The following MAP3K3 variants were observed in gnomAD, a reference collection of about 807,000 sequenced individuals.
MAP3K3 encodes the protein MAP/ERK kinase kinase 3.
Under a neutral mutation model 80.9 loss-of-function variants are expected in MAP3K3, and 12 were observed. That is an observed-to-expected ratio of 0.15 (90% CI 0.10 to 0.24). The LOEUF (loss-of-function observed/expected upper bound fraction) is 0.24, where lower values mean the gene tolerates loss of function less well. Ranked by LOEUF, MAP3K3 falls within the 10% of genes least tolerant of loss-of-function variation. The pLI is 1.00. For synonymous variants in MAP3K3, 272 were observed against 307.1 expected (o/e 0.89, Z 1.19); for missense variants, 596 against 834.7 (o/e 0.71, Z 3.52).
At chr17:63,684,884 A>G (rs1401373443) in intron 7 of MAP3K3, among the ~76,000 whole-genome samples, 1 of 152,108 alleles carries the variant, frequency 6.6e-6, no homozygotes, top group Non-Finnish European at 1.5e-5. Flanking sequence ...GAAAGGGAGG[A>G]CCTTCAGGAC....
At chr17:63,633,941 C>A (rs949253159) in intron 2 of MAP3K3, among the ~76,000 whole-genome samples, 1 of 152,304 alleles carries the variant, frequency 6.6e-6, no homozygotes, top group Admixed American at 6.5e-5. Flanking sequence ...CTTTTCCTGT[C>A]TGTGGTCTGC....
chr17:63,633,005 A>C (rs1237710595), intron 2 of MAP3K3, among the ~76,000 whole-genome samples: 3 of 152,320 alleles, frequency 2.0e-5, no homozygotes, highest in Middle Eastern at 6.8e-3. Flanking sequence ...AGGCAGGCGG[A>C]TCACCTGAAG....
chr17:63,655,843 A>G (rs2034755219), intron 4 of MAP3K3, among the ~76,000 whole-genome samples: 1 of 152,106 alleles, frequency 6.6e-6, no homozygotes, highest in Non-Finnish European at 1.5e-5. Context: ...TCCCACTTTG[A>G]ATGTCACACA....
rs750289116 is a variant in MAP3K3, at chr17:63,689,663, C to A, written c.991C>A (p.Pro331Thr). Reference sequence around the variant, plus strand: ...GGGTCTGGCTGTGCAATACCTGGACCCCCGTGGGCGCCTGCGGAGTGCGGA... The same window carrying A: ...GGGTCTGGCTGTGCAATACCTGGACACCCGTGGGCGCCTGCGGAGTGCGGA... ...NMGLAVQYLD[P>T]RGRLRSADSE... The change falls in exon 11 of 16, where the codon CCC becomes ACC. Residue 331 changes from proline (P) to threonine (T), a missense_variant. By Grantham distance (38) the Pro-to-Thr change is conservative. Around this residue, in one of 2 missense-constraint regions of MAP3K3, gnomAD observed 364 missense variants for 588.9 expected, o/e 0.62. Coordinates refer to ENST00000361733, the MANE Select transcript of MAP3K3 (RefSeq NM_002401.5). The surrounding 1 kb of genome is among the most constrained non-coding windows in gnomAD (Gnocchi z 4.3). The A allele has an allele frequency of 1.2e-5, 20 of 1,613,832 alleles. No homozygotes were observed. The highest frequency in any genetic ancestry group is 1.7e-5 in the Non-Finnish European group (20 of 1,179,964).
rs2035244523 is a variant in MAP3K3, at chr17:63,677,597, A to G, written c.503-4169A>G. Among the ~76,000 whole-genome samples, 3 of 152,200 alleles carry G rather than the reference A, an allele frequency of 2.0e-5. 1 individual carries two copies. The highest frequency in any genetic ancestry group is 4.4e-5 in the Non-Finnish European group (3 of 68,030). On this transcript the variant is annotated intron_variant, in intron 6 of 15. Coordinates refer to ENST00000361733, the MANE Select transcript of MAP3K3 (RefSeq NM_002401.5). ...AGTTCCCTTGGTCCAGATTTCCCCT[A>G]AACCTCCATCTTGTCTTTGCCTACA... is the stretch of plus-strand genomic sequence containing the variant.
chr17:63,634,609 G>A, intron 2 of MAP3K3: 1 of 949,830 alleles, frequency 1.1e-6, no homozygotes, highest in Non-Finnish European at 1.6e-6. Context: ...ATCTTAACAA[G>A]AGGTACTAGA....
At chr17:63,672,109 C>A (rs2035121327) in intron 6 of MAP3K3, among the ~76,000 whole-genome samples, 1 of 151,780 alleles carries the variant, frequency 6.6e-6, no homozygotes, top group African/African-American at 2.4e-5. Context: ...ATGGTGAAAC[C>A]CCGTCTCTAT....
At chr17:63,635,177 G>T (rs2034297762) in intron 2 of MAP3K3, among the ~76,000 whole-genome samples, 1 of 152,184 alleles carries the variant, frequency 6.6e-6, no homozygotes, top group African/African-American at 2.4e-5. Context: ...TGGACAGCAT[G>T]ACTTTATGCA....
intron 1 of MAP3K3, among the ~76,000 whole-genome samples, chr17:63,624,229 A>T (rs60989891): frequency 0.017 from 2,585 of 152,300 alleles, 71 homozygotes; most frequent in African/African-American, 0.059. Flanking sequence ...CTACCCCAGG[A>T]TTCAAACATT....
At chr17:63,652,821 T>G (rs2034685945) in intron 4 of MAP3K3, among the ~76,000 whole-genome samples, 165 bp downstream of exon 4, 1 of 152,218 alleles carries the variant, frequency 6.6e-6, no homozygotes, top group African/African-American at 2.4e-5. Context: ...CTCTGTTTTT[T>G]ACTACATGGG....
chr17:63,635,170 A>G (rs1481523031), intron 2 of MAP3K3, among the ~76,000 whole-genome samples: 1 of 152,138 alleles, frequency 6.6e-6, no homozygotes, highest in Non-Finnish European at 1.5e-5. Flanking sequence ...ATTGTATTGG[A>G]CAGCATGACT....
intron 6 of MAP3K3, among the ~76,000 whole-genome samples, chr17:63,672,416 C>T (rs910199035): frequency 1.1e-4 from 16 of 152,008 alleles, no homozygotes; most frequent in African/African-American, 3.9e-4. Context: ...GGAAGAGAGC[C>T]TGGTTCCAGG....
intron 4 of MAP3K3, among the ~76,000 whole-genome samples, chr17:63,657,461 A>G (rs1023758156): frequency 6.6e-6 from 1 of 152,150 alleles, no homozygotes; most frequent in African/African-American, 2.4e-5. Flanking sequence ...AGAGATAGAA[A>G]GTAGAGTAGT....
In MAP3K3 at chr17:63,692,532, C is replaced by T; in HGVS notation, c.1652+113C>T. 1.8e-6 allele frequency: 2 copies of T among 1,137,864 alleles called. No individual in the cohort carries two copies. The highest frequency in any genetic ancestry group is 2.4e-6 in the Non-Finnish European group (2 of 817,528). 70.5% of individuals were successfully genotyped at this position (1,137,864 alleles called of 1,614,324 possible). A position where few individuals can be genotyped will look rare whatever the true frequency, so the allele number is the denominator to read the frequency against. ...GGCAGGAGGGAGTGTGCCCAGGGCC[C>T]AGGCTGCAGTGTGTGCAAGGGTATT... On this transcript the variant is annotated intron_variant, in intron 15 of 15. Transcript: ENST00000361733. The surrounding 1 kb of genome is among the most constrained non-coding windows in gnomAD (Gnocchi z 4.5).
At chr17:63,683,497 T>C (rs1055982052) in intron 7 of MAP3K3, among the ~76,000 whole-genome samples, 69 of 152,124 alleles carry the variant, frequency 4.5e-4, no homozygotes, top group African/African-American at 1.6e-3. Flanking sequence ...CCTTCACTTT[T>C]TTACTTTGCC....
rs114530734 is a variant in MAP3K3, at chr17:63,662,893, C to T, written c.382-4047C>T. ...CTCACCATGTTGGCCGGGCTGGTCT[C>T]GAACTCTTAAACTTCAAATGATCTG... On this transcript the variant is annotated intron_variant, in intron 5 of 15. Coordinates refer to ENST00000361733, the MANE Select transcript of MAP3K3 (RefSeq NM_002401.5). 3.0e-3 allele frequency among the ~76,000 whole-genome samples: 451 copies of T among 151,686 alleles called. 6 individuals carry two copies. Among genetic ancestry groups the T allele is most frequent in the African/African-American group, 0.011 (439 of 41,338 alleles).
In MAP3K3 at chr17:63,693,855, C is replaced by A; in HGVS notation, c.*78C>A. The stretch of plus-strand genomic sequence containing the variant: ...GCTGCTGGGCTCAGTGAAGTTGCTG[C>A]TTCTCCCAGGCAAGGCTGTGGACCA... On this transcript the variant is annotated 3_prime_UTR_variant, in exon 16 of 16. Coordinates refer to ENST00000361733, the MANE Select transcript of MAP3K3 (RefSeq NM_002401.5). This position sits in a 1 kb window ranked among gnomAD's most constrained non-coding sequence, Gnocchi z 4.2. 1 of 1,305,652 alleles carries A rather than the reference C, an allele frequency of 7.7e-7. No individual in the cohort carries two copies. The highest frequency in any genetic ancestry group is 1.1e-6 in the Non-Finnish European group (1 of 938,222). 80.9% of individuals were successfully genotyped at this position (1,305,652 alleles called of 1,614,324 possible).
chr17:63,637,392 A>G (rs1055722903), intron 2 of MAP3K3, among the ~76,000 whole-genome samples: 1 of 152,234 alleles, frequency 6.6e-6, no homozygotes, highest in African/African-American at 2.4e-5. Context: ...TCTGATTCCT[A>G]GTCACCGTAA....
At chr17:63,680,721 G>A (rs2035313077) in intron 6 of MAP3K3, among the ~76,000 whole-genome samples, 1 of 152,064 alleles carries the variant, frequency 6.6e-6, no homozygotes, top group South Asian at 2.1e-4. Context: ...CATCTTACAA[G>A]CTGATGTGGT....
Sources: gnomAD v4.1 joint callset for allele counts (sites outside exome capture counted in the v4.1 genomes callset) on GRCh38, gnomAD v4.1.1 for gene constraint, gnomAD v4.1.1 regional missense constraint, Gnocchi (gnomAD v3.1) non-coding constraint, MANE v1.5 for transcripts, NCBI Gene and HGNC (gene_info 2026-07-23, HGNC 2026-07-21) for gene names.